The following GRM6 variants were observed in gnomAD, a reference collection of about 807,000 sequenced individuals.
The protein encoded by GRM6 is glutamate metabotropic receptor 6, also known as metabotropic glutamate receptor 6.
GRM6 carries 73 observed loss-of-function variants against 78.4 expected under a neutral mutation model. The observed-to-expected ratio is 0.93, with a 90% CI of 0.77 to 1.13. The LOEUF is 1.13. Among genes scored for constraint, GRM6 ranks in the 50% most tolerant of loss-of-function variants. GRM6 has a pLI of 0.00. For missense variants in GRM6, 1,251 were observed against 1,256.4 expected, an observed-to-expected ratio of 1.00 and a Z score of 0.07; for synonymous variants, 580 against 555.0, an observed-to-expected ratio of 1.05 and a Z score of -0.63.
chr5:178,989,735 C>G (rs777671447), intron 5 of GRM6: 2 of 418,180 alleles, frequency 4.8e-6, no homozygotes, highest in Non-Finnish European at 9.0e-6. Context: ...CCTGCTCCTT[C>G]TTTCCTGTTA....
rs1341475323 is a variant in GRM6 at position 178,988,722 on chromosome 5, C to A, written c.1354+213G>T. Among the ~76,000 whole-genome samples, 1 of 152,164 alleles carries A rather than the reference C, an allele frequency of 6.6e-6. No individual in the cohort carries two copies. The highest frequency in any genetic ancestry group is 2.4e-5 in the African/African-American group (1 of 41,436). The stretch of plus-strand genomic sequence containing the variant: ...CTCCCCAGCATCTGAACTGTGCAAA[C>A]CAGCGCAGGGAACACTGAAGCCTGG... On this transcript the variant is annotated intron_variant, in intron 7 of 10. Coordinates refer to ENST00000517717, the MANE Select transcript of GRM6 (RefSeq NM_000843.4). This position sits in a 1 kb window ranked among gnomAD's most constrained non-coding sequence, Gnocchi z 6.0.
At position 178,988,890 on chromosome 5, in the gene GRM6, C is replaced by T. The variant is rs746055452; in HGVS notation, c.1354+45G>A. On this transcript the variant is annotated intron_variant, in intron 7 of 10. Transcript: ENST00000517717. This position sits in a 1 kb window ranked among gnomAD's most constrained non-coding sequence, Gnocchi z 6.0. ...CCAGGCCTCACAGCAAAATCCAGCC[C>T]CCCAGCTGTCCTTCACTGCTGCAGG... 6.6e-7 allele frequency: 1 copy of T among 1,525,850 alleles called. No homozygotes were observed. The highest frequency in any genetic ancestry group is 1.4e-5 in the African/African-American group (1 of 73,438). The allele number at this position is 1,525,850 out of a possible 1,614,324, so 94.5% of individuals were successfully genotyped here.
chr5:178,984,115 C>T (rs1380096951), intron 9 of GRM6, among the ~76,000 whole-genome samples: 1 of 151,996 alleles, frequency 6.6e-6, no homozygotes, highest in Admixed American at 6.5e-5. Context: ...ATCACGAGGT[C>T]AGGAGATCGA....
rs780609247 is a variant in GRM6 at position 178,981,916 on chromosome 5, C to T, written c.2437-62G>A. ...CCTGCTCTCCCTGCCCCGCTCCACA[C>T]AGTCCTCACCACATACTCTGGAGCT... On this transcript the variant is annotated intron_variant, in intron 10 of 10. Coordinates refer to ENST00000517717, the MANE Select transcript of GRM6 (RefSeq NM_000843.4). The surrounding 1 kb of genome is among the most constrained non-coding windows in gnomAD (Gnocchi z 5.1). 6.1e-6 allele frequency: 6 copies of T among 978,180 alleles called. No individual in the cohort carries two copies. The highest frequency in any genetic ancestry group is 1.0e-5 in the Non-Finnish European group (6 of 600,896). The allele number at this position is 978,180 out of a possible 1,614,324, so 60.6% of individuals were successfully genotyped here. A position where few individuals can be genotyped will look rare whatever the true frequency, so the allele number is the denominator to read the frequency against.
chr5:178,987,622 G>A (rs1015735386), intron 7 of GRM6: 2 of 367,554 alleles, frequency 5.4e-6, no homozygotes, highest in African/African-American at 4.2e-5. Flanking sequence ...TCATAGAGAG[G>A]GGCCGTGGAA....
chr5:178,994,282 G>A (rs1760732995), intron 2 of GRM6, among the ~76,000 whole-genome samples, 159 bp downstream of exon 2: 1 of 152,268 alleles, frequency 6.6e-6, no homozygotes. Flanking sequence ...ATTCAGGCCT[G>A]CGTCGGGCTC....
At position 178,978,808 on chromosome 5, in the gene GRM6, G is replaced by C. The variant is rs1031192750; in HGVS notation, c.*2849C>G. On this transcript the variant is annotated 3_prime_UTR_variant, in exon 11 of 11. Transcript: ENST00000517717. ...CGACATAAGAGAAACCACACTGGAA[G>C]AATGCCTTATAAATTCCACACATAG... 1.3e-5 allele frequency: 2 copies of C among 152,202 alleles called. No homozygotes were observed. Among genetic ancestry groups the C allele is most frequent in the African/African-American group, 4.8e-5 (2 of 41,456 alleles). The allele number at this position is 152,202 out of a possible 1,614,324, so 9.4% of individuals were successfully genotyped here.
In GRM6 at chr5:178,994,680, C is replaced by G; in HGVS notation, c.265G>C (p.Val89Leu). ...TCCAGCAGCCGCGCGCCCAGGCGCA[C>G]GCCGGGCAGCAGCTCGGGGTCGGCG... ...VNADPELLPGVRLGARLLDTC... is the reference protein window; with the variant it reads ...VNADPELLPGLRLGARLLDTC... The change falls in exon 2 of 11, where the codon GTG (valine) becomes CTG (leucine). Residue 89 changes from valine to leucine, a missense_variant. Val to Leu is a conservative substitution (Grantham distance 32). Coordinates refer to ENST00000517717, the MANE Select transcript of GRM6 (RefSeq NM_000843.4). 1 of 1,468,600 alleles carries G rather than the reference C, an allele frequency of 6.8e-7. No homozygotes were observed. Among genetic ancestry groups the G allele is most frequent in the Non-Finnish European group, 9.0e-7 (1 of 1,113,150 alleles). The allele number at this position is 1,468,600 out of a possible 1,614,324, so 91.0% of individuals were successfully genotyped here. A position where few individuals can be genotyped will look rare whatever the true frequency, so the allele number is the denominator to read the frequency against.
rs1760339493 is a variant in GRM6 at position 178,979,077 on chromosome 5, C to CCT, written c.*2578_*2579dup. 6.6e-6 allele frequency: 1 copy of CCT among 152,260 alleles called. No individual in the cohort carries two copies. The highest frequency in any genetic ancestry group is 2.4e-5 in the African/African-American group (1 of 41,400). The allele number at this position is 152,260 out of a possible 1,614,324, so 9.4% of individuals were successfully genotyped here. On this transcript the variant is annotated 3_prime_UTR_variant, in exon 11 of 11. Coordinates refer to ENST00000517717, the MANE Select transcript of GRM6 (RefSeq NM_000843.4). ...GACCAGCCTGGGCAACATAGTGAGA[C>CCT]CTCGTCTCTACAAAAAATAAAACAT...
intron 9 of GRM6, among the ~76,000 whole-genome samples, chr5:178,984,437 C>A (rs79995611): frequency 0.061 from 9,276 of 152,306 alleles, 385 homozygotes; most frequent in Non-Finnish European, 0.089. Context: ...TGCCATTTTG[C>A]AGCCCGTCAT....
intron 9 of GRM6, chr5:178,985,135 A>G: frequency 2.8e-6 from 1 of 353,038 alleles, no homozygotes; most frequent in Non-Finnish European, 5.6e-6. Context: ...CCTCTCATCC[A>G]CACTGCCCCA....
chr5:178,986,931 C>A lies in GRM6; in HGVS notation c.1407G>T (p.Arg469=), dbSNP rs752683903. The A allele has an allele frequency of 4.3e-6, 7 of 1,614,136 alleles. No homozygotes were observed. The highest frequency in any genetic ancestry group is 1.6e-4 in the Middle Eastern group (1 of 6,062). The change falls in exon 8 of 11, where the codon CGG becomes CGT. Residue 469 remains arginine, a synonymous_variant. Coordinates refer to ENST00000517717, the MANE Select transcript of GRM6 (RefSeq NM_000843.4). ...TCGCCTGGTACTGGAAGATGTCGTACCGCCCGGGCGCATCTCCGTTCTCGT... is the reference window on the plus strand; with the variant it reads ...TCGCCTGGTACTGGAAGATGTCGTAACGCCCGGGCGCATCTCCGTTCTCGT... ...MFNENGDAPG[R]YDIFQYQATN...
intron 2 of GRM6, among the ~76,000 whole-genome samples, chr5:178,994,103 G>C (rs1440975428): frequency 6.6e-6 from 1 of 152,202 alleles, no homozygotes; most frequent in Non-Finnish European, 1.5e-5. Flanking sequence ...TTGTATGGTT[G>C]CAGGGGTGTG....
intron 9 of GRM6, chr5:178,985,488 G>A (rs1464105025): frequency 1.0e-4 from 35 of 342,822 alleles, no homozygotes; most frequent in Middle Eastern, 1.1e-3. Context: ...CGGATCACGA[G>A]GTCAGGAGAT....
Position 178,983,349 on chromosome 5 carries a change from T to C in GRM6, c.2125-128A>G, listed in dbSNP as rs748893516. On this transcript the variant is annotated intron_variant, in intron 9 of 10. Transcript: ENST00000517717. ...CCTATGGAGGGGATGCTCCACCTCT[T>C]CGTGGTGGCTCTCAGGAGCACTCAG... 8 of 819,670 alleles carry C rather than the reference T, an allele frequency of 9.8e-6. No individual in the cohort carries two copies. In the Admixed American group the frequency reaches 1.6e-4, roughly 16 times the overall value. 50.8% of individuals were successfully genotyped at this position (819,670 alleles called of 1,614,324 possible). A position where few individuals can be genotyped will look rare whatever the true frequency, so the allele number is the denominator to read the frequency against.
At position 178,992,714 on chromosome 5, in the gene GRM6, T is replaced by A. The variant is rs182338410; in HGVS notation, c.505-631A>T. Reference sequence around the variant, plus strand: ...GGCCGCCAAGAGGGGGCTATGGGGCTCCAGCGCAAGAGGGGCTATAGCAGG... The same window carrying A: ...GGCCGCCAAGAGGGGGCTATGGGGCACCAGCGCAAGAGGGGCTATAGCAGG... On this transcript the variant is annotated intron_variant, in intron 2 of 10. Coordinates refer to ENST00000517717, the MANE Select transcript of GRM6 (RefSeq NM_000843.4). This position sits in a 1 kb window ranked among gnomAD's most constrained non-coding sequence, Gnocchi z 4.9. Among the ~76,000 whole-genome samples the A allele has an allele frequency of 6.0e-5, 9 of 150,688 alleles. No homozygotes were observed. Among genetic ancestry groups the A allele is most frequent in the Non-Finnish European group, 1.2e-4 (8 of 67,782 alleles).
rs1760335525 is a variant in GRM6, at chr5:178,978,836, G to A, written c.*2821C>T. The A allele has an allele frequency of 6.6e-6, 1 of 152,084 alleles. No homozygotes were observed. The highest frequency in any genetic ancestry group is 1.5e-5 in the Non-Finnish European group (1 of 68,014). 9.4% of individuals were successfully genotyped at this position (152,084 alleles called of 1,614,324 possible). On this transcript the variant is annotated 3_prime_UTR_variant, in exon 11 of 11. Coordinates refer to ENST00000517717, the MANE Select transcript of GRM6 (RefSeq NM_000843.4). ...TGCCTTATAAATTCCACACATAGAA[G>A]AAAACCCACAAAACTTTATTCAGGG...
intron 6 of GRM6, 54 bp downstream of exon 6, chr5:178,989,211 A>ACCCCCC: frequency 8.2e-6 from 1 of 121,732 alleles, no homozygotes; most frequent in Non-Finnish European, 1.3e-5. Context: ...CCCCCTCCCC[A>ACCCCCC]CCCTCACCAC....
chr5:178,984,817 A>G (rs1487842428), intron 9 of GRM6, among the ~76,000 whole-genome samples: 2 of 152,108 alleles, frequency 1.3e-5, no homozygotes, highest in South Asian at 4.1e-4. Flanking sequence ...GGGAGTGGAC[A>G]GCACCGGGAG....
Sources: gnomAD v4.1 joint callset for allele counts (sites outside exome capture counted in the v4.1 genomes callset) on GRCh38, gnomAD v4.1.1 for gene constraint, Gnocchi (gnomAD v3.1) non-coding constraint, MANE v1.5 for transcripts, NCBI Gene and HGNC (gene_info 2026-07-23, HGNC 2026-07-21) for gene names.